Variants in NCAM2 observed in about 807,000 individuals in gnomAD.
NCAM2 encodes the protein N-CAM-2.
Under a neutral mutation model 98.1 loss-of-function variants are expected in NCAM2, and 30 were observed. The ratio of observed to expected loss-of-function variants is 0.31; its 90% CI spans 0.23 to 0.41. The LOEUF (loss-of-function observed/expected upper bound fraction) is 0.41. Ranked by LOEUF, NCAM2 falls within the 10% of genes least tolerant of loss-of-function variation. NCAM2 has a pLI of 1.00. For missense variants in NCAM2, 867 were observed against 1,005.8 expected, an observed-to-expected ratio of 0.86 and a Z score of 1.87; for synonymous variants, 368 against 342.4, an observed-to-expected ratio of 1.07 and a Z score of -0.83.
intron 8 of NCAM2, among the ~76,000 whole-genome samples, chr21:21,354,404 A>G (rs2075417233): frequency 6.6e-6 from 1 of 152,188 alleles, no homozygotes; most frequent in South Asian, 2.1e-4. Flanking sequence ...TCTTCTTTAA[A>G]TTGAATTGTT....
intron 1 of NCAM2, among the ~76,000 whole-genome samples, chr21:21,216,870 TAAAAG>T (rs1364459211): frequency 1.3e-5 from 2 of 152,176 alleles, no homozygotes; most frequent in African/African-American, 2.4e-5. Context: ...TGACACAAAT[TAAAAG>T]AAAAGAAAAT....
chr21:21,122,449 G>C (rs1275233152), intron 1 of NCAM2, among the ~76,000 whole-genome samples: 31 of 152,124 alleles, frequency 2.0e-4, no homozygotes, highest in Admixed American at 2.0e-3. Flanking sequence ...TATTCATTGT[G>C]AATTTCCACA....
intron 1 of NCAM2, among the ~76,000 whole-genome samples, chr21:21,048,592 A>T (rs1408455791): frequency 1.3e-5 from 2 of 152,062 alleles, no homozygotes; most frequent in Non-Finnish European, 2.9e-5. Context: ...TGACCTCGTG[A>T]TCCACCCGCC....
intron 11 of NCAM2, among the ~76,000 whole-genome samples, chr21:21,426,329 G>T (rs9980672): frequency 0.076 from 11,486 of 152,116 alleles, 483 homozygotes; most frequent in East Asian, 0.15. Context: ...CAATTATGGT[G>T]ACACTGCATG....
intron 1 of NCAM2, among the ~76,000 whole-genome samples, chr21:21,049,174 C>T (rs956823494): frequency 2.1e-5 from 3 of 143,032 alleles, no homozygotes; most frequent in South Asian, 2.4e-4. Context: ...CGCCCGCCAC[C>T]GCGCCCGGCT....
At chr21:21,482,628 T>C (rs1027541457) in intron 15 of NCAM2, among the ~76,000 whole-genome samples, 20 of 151,868 alleles carry the variant, frequency 1.3e-4, no homozygotes, top group Admixed American at 3.9e-4. Flanking sequence ...TAAAGCACTA[T>C]TTTTTCGTTT....
intron 5 of NCAM2, among the ~76,000 whole-genome samples, chr21:21,300,393 C>T (rs1182623884): frequency 1.3e-5 from 2 of 151,994 alleles, no homozygotes; most frequent in Non-Finnish European, 2.9e-5. Context: ...ACTATCAGTG[C>T]AGAAAATGAC....
intron 9 of NCAM2, among the ~76,000 whole-genome samples, chr21:21,402,092 G>A (rs2076643161): frequency 6.6e-6 from 1 of 152,076 alleles, no homozygotes; most frequent in Non-Finnish European, 1.5e-5. Flanking sequence ...AATATGAAAT[G>A]AGTGCACCTT....
chr21:21,040,940 A>C (rs2064891976), intron 1 of NCAM2, among the ~76,000 whole-genome samples: 2 of 152,200 alleles, frequency 1.3e-5, no homozygotes, highest in South Asian at 4.1e-4. Flanking sequence ...TTCCAAATAA[A>C]AATCAATGCC....
rs117876064 is a variant in NCAM2 at position 21,126,339 on chromosome 21, T to G, written c.55+127721T>G. Among the ~76,000 whole-genome samples the G allele has an allele frequency of 5.9e-4, 89 of 151,840 alleles. No homozygotes were observed. In the East Asian group the frequency reaches 0.015, roughly 26 times the overall value. ...AGTATGGTCCACTTCTCAGATTTTGTAACATGGTGAAATACATCCAAACAA... is the reference window on the plus strand; with the variant it reads ...AGTATGGTCCACTTCTCAGATTTTGGAACATGGTGAAATACATCCAAACAA... On this transcript the variant is annotated intron_variant, in intron 1 of 17. Transcript: ENST00000400546.
rs1054355097 is a variant in NCAM2, at chr21:21,518,361, G to T, written c.2282+9306G>T. On this transcript the variant is annotated intron_variant, in intron 16 of 17. Coordinates refer to ENST00000400546, the MANE Select transcript of NCAM2 (RefSeq NM_004540.5). ...GCAAACTGCATATTTATTGGACATGGAATAAACTAAAGAACAAACATAAAT... is the reference window on the plus strand; with the variant it reads ...GCAAACTGCATATTTATTGGACATGTAATAAACTAAAGAACAAACATAAAT... Among the ~76,000 whole-genome samples the T allele has an allele frequency of 3.9e-5, 6 of 152,142 alleles. No homozygotes were observed. In the East Asian group the frequency reaches 1.2e-3, roughly 29 times the overall value.
chr21:21,020,096 G>A (rs2064398580), intron 1 of NCAM2, among the ~76,000 whole-genome samples: 1 of 151,868 alleles, frequency 6.6e-6, no homozygotes, highest in Non-Finnish European at 1.5e-5. Flanking sequence ...GAGTGCAGTG[G>A]CGTGATCTAA....
chr21:21,044,085 G>A (rs1033295788), intron 1 of NCAM2, among the ~76,000 whole-genome samples: 27 of 151,958 alleles, frequency 1.8e-4, no homozygotes, highest in Admixed American at 1.3e-4. Context: ...ATTAATGAGA[G>A]CAGTTACTGC....
intron 1 of NCAM2, chr21:21,147,252 G>A: frequency 2.0e-6 from 2 of 985,302 alleles, no homozygotes; most frequent in Non-Finnish European, 2.4e-6. Flanking sequence ...CAACAAAAAT[G>A]TAAATATTCA....
At chr21:21,056,951 TTTAA>T (rs1373546898) in intron 1 of NCAM2, among the ~76,000 whole-genome samples, 1 of 152,060 alleles carries the variant, frequency 6.6e-6, no homozygotes, top group Non-Finnish European at 1.5e-5. Context: ...ATATACCCTC[TTTAA>T]TTATAGACTG....
chr21:21,367,650 A>G (rs1453764779), intron 8 of NCAM2, among the ~76,000 whole-genome samples: 1 of 151,968 alleles, frequency 6.6e-6, no homozygotes, highest in Non-Finnish European at 1.5e-5. Flanking sequence ...TATTGCTTAG[A>G]TCTGCATATC....
intron 7 of NCAM2, among the ~76,000 whole-genome samples, chr21:21,337,131 G>A (rs923716138): frequency 6.6e-6 from 1 of 152,074 alleles, no homozygotes; most frequent in Non-Finnish European, 1.5e-5. Flanking sequence ...AATCATATTA[G>A]AAATAGTATT....
At chr21:21,411,400 A>G (rs559031339) in intron 10 of NCAM2, among the ~76,000 whole-genome samples, 3 of 151,312 alleles carry the variant, frequency 2.0e-5, no homozygotes, top group East Asian at 3.9e-4. Context: ...ATTCTAGTGT[A>G]AATTCCAAAA....
In NCAM2 at chr21:21,331,132, A is replaced by T. The variant is rs577479970; in HGVS notation, c.738-4373A>T. 2.0e-5 allele frequency among the ~76,000 whole-genome samples: 3 copies of T among 151,746 alleles called. 1 individual carries two copies. In the South Asian group the frequency reaches 6.3e-4, roughly 32 times the overall value. On this transcript the variant is annotated intron_variant, in intron 6 of 17. Coordinates refer to ENST00000400546, the MANE Select transcript of NCAM2 (RefSeq NM_004540.5). ...CATACCTATATTTTGTAACTGACTG[A>T]TTTTTCTCCCTCTTGTTTTATTTAT...
Sources: gnomAD v4.1 joint callset for allele counts (sites outside exome capture counted in the v4.1 genomes callset) on GRCh38, gnomAD v4.1.1 for gene constraint, MANE v1.5 for transcripts, NCBI Gene and HGNC (gene_info 2026-07-23, HGNC 2026-07-21) for gene names.